Variants in CADPS2 observed in about 807,000 individuals in gnomAD.
CADPS2 encodes the protein calcium-dependent secretion activator 2.
A neutral mutation model predicts 172.5 loss-of-function variants in CADPS2; 93 were observed. The ratio of observed to expected loss-of-function variants is 0.54; its 90% CI spans 0.46 to 0.64. The LOEUF is 0.64. CADPS2 is among the 30% of genes least tolerant of loss of function. The pLI is 0.00. For missense variants in CADPS2, 1,420 were observed against 1,565.9 expected, an observed-to-expected ratio of 0.91 and a Z score of 1.57; for synonymous variants, 546 against 555.2, an observed-to-expected ratio of 0.98 and a Z score of 0.23.
intron 3 of CADPS2, among the ~76,000 whole-genome samples, chr7:122,653,344 G>A (rs1169245209): frequency 6.6e-6 from 1 of 152,174 alleles, no homozygotes; most frequent in Non-Finnish European, 1.5e-5. Flanking sequence ...AGAAGGTGGG[G>A]TAAATCTCAC....
intron 1 of CADPS2, among the ~76,000 whole-genome samples, chr7:122,752,561 T>C (rs1271244812): frequency 6.6e-6 from 1 of 152,218 alleles, no homozygotes. Context: ...TGTCAATACA[T>C]AGGGCAAATT....
intron 19 of CADPS2, among the ~76,000 whole-genome samples, chr7:122,413,269 G>A (rs2047519795): frequency 6.6e-6 from 1 of 152,180 alleles, no homozygotes; most frequent in African/African-American, 2.4e-5. Flanking sequence ...GTCAGAGATG[G>A]TCTGGTCACT....
At chr7:122,797,872 TAAAAAATAAA>T (rs1563043101) in intron 1 of CADPS2, among the ~76,000 whole-genome samples, 1 of 152,130 alleles carries the variant, frequency 6.6e-6, no homozygotes, top group Admixed American at 6.5e-5. Flanking sequence ...AAAGTTAAAT[TAAAAAATAAA>T]TAAAAATATT....
intron 17 of CADPS2, among the ~76,000 whole-genome samples, chr7:122,427,871 T>A (rs1369128014): frequency 1.3e-5 from 2 of 152,216 alleles, no homozygotes; most frequent in Non-Finnish European, 2.9e-5. Context: ...AGAATTTATA[T>A]CTTATATTAT....
chr7:122,491,572 C>CA lies in CADPS2; in HGVS notation c.1543-153dup, dbSNP rs2058292618. 3.3e-5 allele frequency among the ~76,000 whole-genome samples: 5 copies of CA among 152,208 alleles called. No individual in the cohort carries two copies. In the Middle Eastern group the frequency reaches 0.01, roughly 311 times the overall value. ...TTTTAGCATTTTTCAAAACCTAGCT[C>CA]AGAGATTCAAGCACCTTTCGTTTGT... On this transcript the variant is annotated intron_variant, in intron 9 of 29. Transcript: ENST00000449022.
At chr7:122,800,473 A>G (rs1797369636) in intron 1 of CADPS2, among the ~76,000 whole-genome samples, 1 of 152,234 alleles carries the variant, frequency 6.6e-6, no homozygotes, top group African/African-American at 2.4e-5. Flanking sequence ...ATTAAAATTC[A>G]TAGGAATACC....
intron 6 of CADPS2, among the ~76,000 whole-genome samples, chr7:122,591,950 A>C (rs1033029445): frequency 4.6e-5 from 7 of 152,128 alleles, no homozygotes; most frequent in East Asian, 3.9e-4. Context: ...GTCTAAAACA[A>C]CAAAAGCAAT....
chr7:122,337,474 A>G (rs1259671313), intron 28 of CADPS2, among the ~76,000 whole-genome samples: 2 of 152,154 alleles, frequency 1.3e-5, no homozygotes, highest in Admixed American at 6.5e-5. Context: ...CTATTAATAC[A>G]CTTTCTGGTT....
At chr7:122,340,755 A>G (rs1429485574) in intron 28 of CADPS2, among the ~76,000 whole-genome samples, 1 of 152,072 alleles carries the variant, frequency 6.6e-6, no homozygotes, top group Non-Finnish European at 1.5e-5. Flanking sequence ...TTGAAGAATT[A>G]GAAAATCTTT....
intron 1 of CADPS2, among the ~76,000 whole-genome samples, chr7:122,849,403 G>A (rs1812908954): frequency 6.6e-6 from 1 of 152,142 alleles, no homozygotes; most frequent in Non-Finnish European, 1.5e-5. Flanking sequence ...GAAGAATTCT[G>A]AAAGCTTGGT....
At chr7:122,619,972 A>C (rs1487092029) in intron 5 of CADPS2, among the ~76,000 whole-genome samples, 1 of 152,302 alleles carries the variant, frequency 6.6e-6, no homozygotes, top group Non-Finnish European at 1.5e-5. Context: ...CCTACAAATA[A>C]ATCATTAATC....
At chr7:122,393,071 A>G in intron 22 of CADPS2, 125 bp downstream of exon 22, 1 of 1,172,294 alleles carries the variant, frequency 8.5e-7, no homozygotes, top group Non-Finnish European at 1.2e-6. Flanking sequence ...CAAATAAAAA[A>G]AAAAAAACAG....
rs144193356 is a variant in CADPS2 at position 122,743,846 on chromosome 7, T to A, written c.340-6778A>T. Among the ~76,000 whole-genome samples the A allele has an allele frequency of 3.5e-3, 527 of 152,302 alleles. 6 individuals are homozygous for A. The highest frequency in any genetic ancestry group is 0.012 in the African/African-American group (516 of 41,576). ...GAAGCAAAATCATCAGTGTCTTCCATGTTTTTGAAATAACAATGCATCCCA... is the reference window on the plus strand; with the variant it reads ...GAAGCAAAATCATCAGTGTCTTCCAAGTTTTTGAAATAACAATGCATCCCA... On this transcript the variant is annotated intron_variant, in intron 1 of 29. Coordinates refer to ENST00000449022, the MANE Select transcript of CADPS2 (RefSeq NM_017954.11).
At chr7:122,412,570 C>T (rs574344756) in intron 19 of CADPS2, among the ~76,000 whole-genome samples, 77 of 152,302 alleles carry the variant, frequency 5.1e-4, no homozygotes, top group Admixed American at 4.1e-3. Context: ...CAACCATTTG[C>T]AGTGAACTGA....
chr7:122,491,130 G>A (rs1311905884), intron 10 of CADPS2, among the ~76,000 whole-genome samples, 182 bp downstream of exon 10: 1 of 152,076 alleles, frequency 6.6e-6, no homozygotes, highest in Non-Finnish European at 1.5e-5. Flanking sequence ...GATGAAATAT[G>A]GCTAAAAATA....
chr7:122,644,997 C>T (rs1009218213), intron 3 of CADPS2, among the ~76,000 whole-genome samples: 9 of 151,796 alleles, frequency 5.9e-5, no homozygotes, highest in African/African-American at 2.2e-4. Flanking sequence ...TCACATTTTC[C>T]TTTGAAAACT....
At position 122,787,036 on chromosome 7, in the gene CADPS2, C is replaced by A. The variant is rs143686109; in HGVS notation, c.340-49968G>T. Among the ~76,000 whole-genome samples, 207 of 152,256 alleles carry A rather than the reference C, an allele frequency of 1.4e-3. 1 individual carries two copies. The highest frequency in any genetic ancestry group is 4.5e-3 in the African/African-American group (189 of 41,550). On this transcript the variant is annotated intron_variant, in intron 1 of 29. Transcript: ENST00000449022. ...AAGAAACGAACCTTGTAACAGTATG[C>A]AGGACTGTTTGGAAACCACTATTTT...
At chr7:122,406,961 A>G (rs1459858058) in intron 20 of CADPS2, among the ~76,000 whole-genome samples, 1 of 152,206 alleles carries the variant, frequency 6.6e-6, no homozygotes. Context: ...CTGGAAGACC[A>G]TCTACCAGAA....
intron 7 of CADPS2, among the ~76,000 whole-genome samples, chr7:122,562,723 C>T (rs1035580953): frequency 6.6e-6 from 1 of 152,058 alleles, no homozygotes; most frequent in South Asian, 2.1e-4. Flanking sequence ...GATATTTTTA[C>T]ATATTGATTT....
Sources: gnomAD v4.1 joint callset for allele counts (sites outside exome capture counted in the v4.1 genomes callset) on GRCh38, gnomAD v4.1.1 for gene constraint, MANE v1.5 for transcripts, NCBI Gene and HGNC (gene_info 2026-07-23, HGNC 2026-07-21) for gene names.